The following POLDIP2 variants were observed in gnomAD, a reference collection of about 807,000 sequenced individuals.
The protein encoded by POLDIP2 is polymerase delta-interacting protein 2.
A neutral mutation model predicts 52.9 loss-of-function variants in POLDIP2; 32 were observed. That is an observed-to-expected ratio of 0.61 (90% CI 0.46 to 0.81). The LOEUF (loss-of-function observed/expected upper bound fraction) is 0.81, where lower values mean the gene tolerates loss of function less well. Among genes scored for constraint, POLDIP2 ranks in the 40% least tolerant of loss-of-function variants. The pLI, the probability that POLDIP2 is intolerant of heterozygous loss-of-function variation, is 0.00. For synonymous variants in POLDIP2, 183 were observed against 183.0 expected, an observed-to-expected ratio of 1.00 and a Z score of 0.00; for missense variants, 371 against 477.3, an observed-to-expected ratio of 0.78 and a Z score of 2.07.
At chr17:28,352,828 C>T (rs977928620) in intron 6 of POLDIP2, 84 bp downstream of exon 6, 8 of 827,128 alleles carry the variant, frequency 9.7e-6, no homozygotes, top group South Asian at 1.7e-5. Flanking sequence ...CGTGAGCCAC[C>T]GTGCCCGGCC....
At chr17:28,353,192 C>T (rs1419245598) in intron 5 of POLDIP2, 49 bp downstream of exon 5, 5 of 921,544 alleles carry the variant, frequency 5.4e-6, no homozygotes, top group Middle Eastern at 4.2e-4. Context: ...CTCCCTGAGA[C>T]ACACCAGACT....
intron 7 of POLDIP2, 22 bp from the exon 8 acceptor site, chr17:28,350,814 T>C: frequency 1.3e-6 from 2 of 1,571,126 alleles, no homozygotes; most frequent in Non-Finnish European, 1.7e-6. Flanking sequence ...ACAAAAAGAA[T>C]TTAAGTCCCA....
In POLDIP2 at chr17:28,347,249, G is replaced by A. The variant is rs1196359567; in HGVS notation, c.*868C>T. The A allele has an allele frequency of 6.6e-6, 1 of 152,240 alleles. No homozygotes were observed. Among genetic ancestry groups the A allele is most frequent in the Non-Finnish European group, 1.5e-5 (1 of 68,046 alleles). 9.4% of individuals were successfully genotyped at this position (152,240 alleles called of 1,614,324 possible). On this transcript the variant is annotated 3_prime_UTR_variant, in exon 11 of 11. Transcript: ENST00000540200. ...TCTAACAATCACTGCAGTGGCGGAG[G>A]AAAAGAAATCCTAAGAATTGGGGCA...
Position 28,348,303 on chromosome 17 carries a change from C to A in POLDIP2, c.993-72G>T, listed in dbSNP as rs193205100. On this transcript the variant is annotated intron_variant, in intron 10 of 10. Coordinates refer to ENST00000540200, the MANE Select transcript of POLDIP2 (RefSeq NM_015584.5). Reference sequence around the variant, plus strand: ...TCCTAAGGATCTGGATGGCCCCATGCCCTCAGCTGCCAGCCACAGAGGACA... The same window carrying A: ...TCCTAAGGATCTGGATGGCCCCATGACCTCAGCTGCCAGCCACAGAGGACA... The A allele has an allele frequency of 1.0e-5, 9 of 902,284 alleles. No homozygotes were observed. The African/African-American group carries it at 1.5e-4, about 15-fold the overall frequency. 55.9% of individuals were successfully genotyped at this position (902,284 alleles called of 1,614,324 possible). A position where few individuals can be genotyped will look rare whatever the true frequency, so the allele number is the denominator to read the frequency against.
intron 3 of POLDIP2, 58 bp from the exon 4 acceptor site, chr17:28,353,849 A>C: frequency 8.7e-7 from 1 of 1,152,738 alleles, no homozygotes; most frequent in Non-Finnish European, 1.3e-6. Context: ...GCTGTGGCTG[A>C]CTCAGCTCCC....
intron 3 of POLDIP2, 112 bp from the exon 4 acceptor site, chr17:28,353,903 CT>C (rs1907919323): frequency 1.4e-6 from 1 of 732,874 alleles, no homozygotes; most frequent in African/African-American, 1.7e-5. Context: ...TCTAAAGGGG[CT>C]TTAGCACCAG....
intron 1 of POLDIP2, among the ~76,000 whole-genome samples, chr17:28,356,378 C>CT (rs1197904742): frequency 6.6e-6 from 1 of 152,094 alleles, no homozygotes; most frequent in African/African-American, 2.4e-5. Context: ...ATGCCTGAGT[C>CT]TGATTAGCTG....
At chr17:28,353,846 C>T in intron 3 of POLDIP2, 55 bp from the exon 4 acceptor site, 1 of 1,176,944 alleles carries the variant, frequency 8.5e-7, no homozygotes, top group Non-Finnish European at 1.3e-6. Flanking sequence ...GAAGCTGTGG[C>T]TGACTCAGCT....
intron 2 of POLDIP2, among the ~76,000 whole-genome samples, chr17:28,355,044 G>A (rs782200375): frequency 2.6e-5 from 4 of 152,142 alleles, no homozygotes; most frequent in Admixed American, 6.5e-5. Flanking sequence ...TATCCCAGTG[G>A]ACCCAGAACA....
rs549340262 is a variant in POLDIP2 at position 28,357,515 on chromosome 17, C to T, written c.-67G>A. On this transcript the variant is annotated 5_prime_UTR_variant, in exon 1 of 11. Transcript: ENST00000540200. ...ACCCGCGGCCGGGCGGCGTTCCGCCCCAGTCCCACACTGCCCCGCGCGGCG... is the reference window on the plus strand; with the variant it reads ...ACCCGCGGCCGGGCGGCGTTCCGCCTCAGTCCCACACTGCCCCGCGCGGCG... 1.4e-3 allele frequency: 1,967 copies of T among 1,451,198 alleles called. 28 individuals are homozygous for T. The African/African-American group carries it at 0.024, about 18-fold the overall frequency. 89.9% of individuals were successfully genotyped at this position (1,451,198 alleles called of 1,614,324 possible).
At chr17:28,348,824 C>T (rs1407211851) in intron 10 of POLDIP2, among the ~76,000 whole-genome samples, 1 of 152,188 alleles carries the variant, frequency 6.6e-6, no homozygotes, top group Admixed American at 6.5e-5. Flanking sequence ...GGAAAAAACC[C>T]AACTATACAA....
chr17:28,355,475 C>T (rs1050408845), intron 2 of POLDIP2, among the ~76,000 whole-genome samples: 5 of 152,150 alleles, frequency 3.3e-5, no homozygotes, highest in Middle Eastern at 3.4e-3. Flanking sequence ...AGTGTGGTGG[C>T]GCATGCTTGT....
chr17:28,357,229 G>A (rs566120797), intron 1 of POLDIP2, 59 bp downstream of exon 1: 25 of 1,473,844 alleles, frequency 1.7e-5, no homozygotes, highest in Middle Eastern at 2.2e-4. Context: ...GCACTGGCTA[G>A]GAACACGCTC....
At chr17:28,355,696 GA>G (rs1464007440) in intron 2 of POLDIP2, 98 bp downstream of exon 2, 24 of 624,910 alleles carry the variant, frequency 3.8e-5, no homozygotes, top group Non-Finnish European at 6.7e-5. Context: ...AAGGTGGAAT[GA>G]ATGGAACACC....
At chr17:28,348,992 G>A (rs1597798714) in intron 10 of POLDIP2, 91 bp downstream of exon 10, 2 of 836,002 alleles carry the variant, frequency 2.4e-6, no homozygotes, top group East Asian at 2.7e-5. Flanking sequence ...TTGGCCCAGA[G>A]TTAATGGCAA....
Position 28,357,435 on chromosome 17 carries a change from G to A in POLDIP2, c.14C>T (p.Thr5Ile), listed in dbSNP as rs782308148. 1.9e-5 allele frequency: 28 copies of A among 1,483,172 alleles called. No individual in the cohort carries two copies. Among genetic ancestry groups the A allele is most frequent in the Non-Finnish European group, 2.5e-5 (28 of 1,128,534 alleles). The allele number at this position is 1,483,172 out of a possible 1,614,324, so 91.9% of individuals were successfully genotyped here. ...GCCCACGGCCAGGGCCCGCCGGGCT[G>A]TACAGGCTGCCATGTCCCGCCCGAG... MAAC[T>I]ARRALAVGSR... is the part of the protein sequence containing the mutation. The change falls in exon 1 of 11, where the codon ACA (threonine) becomes ATA (isoleucine). Residue 5 changes from threonine to isoleucine, a missense_variant. By Grantham distance (89) the Thr-to-Ile change is moderately conservative. Transcript: ENST00000540200.
rs1436233581 is a variant in POLDIP2, at chr17:28,353,296, TTCTG to T, written c.455_458del (p.Thr152LysfsTer3). ...CATGGTTAGCCAAGAAGGTCACAGC[TTCTG>T]TCTGAGATCTCTGAGACTAAGGCAA... On this transcript the variant is annotated frameshift_variant, in exon 5 of 11. Coordinates refer to ENST00000540200, the MANE Select transcript of POLDIP2 (RefSeq NM_015584.5). LOFTEE classifies it high-confidence loss of function. 1 of 1,592,062 alleles carries T rather than the reference TTCTG, an allele frequency of 6.3e-7. No individual in the cohort carries two copies. The highest frequency in any genetic ancestry group is 8.6e-7 in the Non-Finnish European group (1 of 1,162,308).
chr17:28,356,595 A>G (rs1188982705), intron 1 of POLDIP2, among the ~76,000 whole-genome samples: 1 of 152,182 alleles, frequency 6.6e-6, no homozygotes, highest in Admixed American at 6.5e-5. Context: ...GCAAATAGCT[A>G]TCATCTCTCC....
At chr17:28,354,042 GTTGAGAA>G (rs1907924401) in intron 3 of POLDIP2, among the ~76,000 whole-genome samples, 2 of 152,214 alleles carry the variant, frequency 1.3e-5, no homozygotes, top group Admixed American at 6.5e-5. Flanking sequence ...AGGGGGCCAT[GTTGAGAA>G]AATCAAATTG....
Sources: allele counts gnomAD v4.1 joint callset (sites outside exome capture counted in the v4.1 genomes callset), GRCh38; gene constraint gnomAD v4.1.1; transcripts MANE v1.5; gene names NCBI Gene and HGNC (gene_info 2026-07-23, HGNC 2026-07-21).